DNAH6: variants seen among roughly 807,000 people sequenced by gnomAD.
The protein encoded by DNAH6 is dynein axonemal heavy chain 6.
In DNAH6, 340 loss-of-function variants were observed where a neutral mutation model predicts 491.4. The ratio of observed to expected loss-of-function variants is 0.69; its 90% CI spans 0.63 to 0.76. The LOEUF (loss-of-function observed/expected upper bound fraction) is 0.76. Among genes scored for constraint, DNAH6 ranks in the 30% least tolerant of loss-of-function variants. DNAH6 has a pLI of 0.00. For synonymous variants in DNAH6, 1,603 were observed against 1,686.1 expected (o/e 0.95, Z 1.21); for missense variants, 4,443 against 4,972.2 (o/e 0.89, Z 3.20).
At chr2:84,708,798 C>A (rs1696767324) in intron 54 of DNAH6, among the ~76,000 whole-genome samples, 1 of 152,062 alleles carries the variant, frequency 6.6e-6, no homozygotes, top group Non-Finnish European at 1.5e-5. Context: ...GTTATAAAAC[C>A]TGATATAATA....
intron 10 of DNAH6, among the ~76,000 whole-genome samples, chr2:84,554,074 C>G (rs992370630): frequency 2.0e-5 from 3 of 152,336 alleles, no homozygotes; most frequent in Non-Finnish European, 4.4e-5. Flanking sequence ...GAGAAACCAT[C>G]TGTAGTTCCT....
intron 37 of DNAH6, among the ~76,000 whole-genome samples, chr2:84,665,524 C>T (rs1381861952): frequency 1.3e-5 from 2 of 152,124 alleles, no homozygotes; most frequent in Non-Finnish European, 2.9e-5. Context: ...TTCCTGGACA[C>T]ATACACCCTC....
At chr2:84,575,565 T>A (rs1278443395) in intron 12 of DNAH6, among the ~76,000 whole-genome samples, 17 of 152,192 alleles carry the variant, frequency 1.1e-4, no homozygotes, top group Admixed American at 1.1e-3. Context: ...CTAATTTCTC[T>A]GACTTGAAAG....
At position 84,797,556 on chromosome 2, in the gene DNAH6, G is replaced by A. The variant is rs1366264472; in HGVS notation, c.11379G>A (p.Met3793Ile). Residue 3793 changes from methionine to isoleucine, a missense_variant, in exon 70 of 77, where the codon ATG becomes ATA. Transcript: ENST00000389394. ...YSESGIYFAP[M>I]ADSLQEFKDY... Reference sequence around the variant, plus strand: ...TAACAGGCATCTATTTTGCACCCATGGCTGACAGCCTACAAGAGTTTAAGG... The same window carrying A: ...TAACAGGCATCTATTTTGCACCCATAGCTGACAGCCTACAAGAGTTTAAGG... 6 of 1,551,708 alleles carry A rather than the reference G, an allele frequency of 3.9e-6. No homozygotes were observed. In the African/African-American group the frequency reaches 6.8e-5, roughly 18 times the overall value.
At chr2:84,745,514 T>C (rs756940420) in intron 63 of DNAH6, among the ~76,000 whole-genome samples, 3 of 151,782 alleles carry the variant, frequency 2.0e-5, no homozygotes, top group African/African-American at 4.8e-5. Context: ...AAATACAAAA[T>C]AATTATCCGG....
intron 37 of DNAH6, among the ~76,000 whole-genome samples, chr2:84,668,857 T>TG: frequency 1.1e-4 from 1 of 8,790 alleles, no homozygotes; most frequent in Middle Eastern, 0.036. Flanking sequence ...TGTGTGTGTG[T>TG]ATGATTGTAA....
rs1687722376 is a variant in DNAH6, at chr2:84,624,946, T to TG, written c.4403dup (p.Ala1469CysfsTer29). On this transcript the variant is annotated frameshift_variant, in exon 29 of 77. Transcript: ENST00000389394. LOFTEE classifies it high-confidence loss of function. ...TCATGGGAGCTTTGCAGCTTGACCT[T>TG]GGGGGTGCACCAGCTGGTCCTGCTG... 3 of 1,551,588 alleles carry TG rather than the reference T, an allele frequency of 1.9e-6. No individual in the cohort carries two copies. Among genetic ancestry groups the TG allele is most frequent in the Non-Finnish European group, 2.6e-6 (3 of 1,146,894 alleles).
chr2:84,670,265 A>G, intron 38 of DNAH6, 63 bp from the exon 39 acceptor site: 2 of 1,173,966 alleles, frequency 1.7e-6, no homozygotes, highest in Non-Finnish European at 2.4e-6. Flanking sequence ...GTGCCAAACT[A>G]TTACAGATAT....
intron 76 of DNAH6, among the ~76,000 whole-genome samples, 165 bp from the exon 77 acceptor site, chr2:84,819,140 C>T (rs1244608589): frequency 6.6e-6 from 1 of 152,158 alleles, no homozygotes; most frequent in African/African-American, 2.4e-5. Flanking sequence ...CTAAAATCTT[C>T]ATTTTATAGA....
At chr2:84,688,614 C>A (rs1263312494) in intron 45 of DNAH6, 21 bp downstream of exon 45, 2 of 1,495,834 alleles carry the variant, frequency 1.3e-6, no homozygotes, top group South Asian at 1.4e-5. Context: ...ATAAGGCGCC[C>A]AATAATGCAT....
the DNAH6 span, among the ~76,000 whole-genome samples, chr2:84,461,720 T>A: frequency 3.3e-5 from 5 of 152,296 alleles, no homozygotes; most frequent in East Asian, 9.6e-4. Context: ...CATGGCAGGA[T>A]CATGTTTTAA....
chr2:84,724,604 C>G (rs1441675690), intron 60 of DNAH6, among the ~76,000 whole-genome samples: 2 of 152,148 alleles, frequency 1.3e-5, no homozygotes, highest in Non-Finnish European at 2.9e-5. Context: ...TCTAAATTCT[C>G]CTAAATTCTC....
chr2:84,668,810 C>CTGTG (rs766203821), intron 37 of DNAH6, among the ~76,000 whole-genome samples: 3,397 of 120,982 alleles, frequency 0.028, 74 homozygotes, highest in African/African-American at 0.045. Context: ...AGCCATCCCT[C>CTGTG]TGTGTGTGTG....
intron 2 of DNAH6, among the ~76,000 whole-genome samples, chr2:84,518,908 G>T (rs532069187): frequency 6.6e-6 from 1 of 152,074 alleles, no homozygotes; most frequent in South Asian, 2.1e-4. Context: ...TAAGCCAAAC[G>T]CATGGGCTCA....
chr2:84,477,141 C>T, the DNAH6 span, among the ~76,000 whole-genome samples: 1 of 152,196 alleles, frequency 6.6e-6, no homozygotes, highest in South Asian at 2.1e-4. Flanking sequence ...GTGGAGGCTG[C>T]AAAGGCCTGA....
intron 57 of DNAH6, 31 bp downstream of exon 57, chr2:84,713,290 T>C: frequency 6.5e-7 from 1 of 1,542,484 alleles, no homozygotes; most frequent in Non-Finnish European, 8.8e-7. Context: ...ATTCTCAACT[T>C]AACTGGATTA....
In DNAH6 at chr2:84,784,769, A is replaced by G. The variant is rs1422025355; in HGVS notation, c.10912A>G (p.Ser3638Gly). 6.4e-7 allele frequency: 1 copy of G among 1,550,724 alleles called. No homozygotes were observed. The highest frequency in any genetic ancestry group is 1.7e-4 in the Middle Eastern group (1 of 5,984). ...TFRLFLSSMP[S>G]NTFPVTVLQN... ...TCGACTTTTTTTAAGCTCCATGCCT[A>G]GTAATACATTTCCTGTTACAGTTCT... is the stretch of plus-strand genomic sequence containing the variant. The change falls in exon 66 of 77, where the codon AGT (serine) becomes GGT (glycine). Residue 3638 changes from serine (S) to glycine (G), a missense_variant. Physicochemically the swap from Ser to Gly is moderately conservative, Grantham distance 56. This residue lies in a region of DNAH6 where 1,463 missense variants were observed against 1,656.6 expected (regional missense o/e 0.88). Coordinates refer to ENST00000389394, the MANE Select transcript of DNAH6 (RefSeq NM_001370.2).
chr2:84,670,838 T>A (rs1692670043), intron 39 of DNAH6, among the ~76,000 whole-genome samples: 1 of 152,238 alleles, frequency 6.6e-6, no homozygotes, highest in Non-Finnish European at 1.5e-5. Context: ...AGTATGAGAC[T>A]GTTTTGGTTT....
intron 63 of DNAH6, among the ~76,000 whole-genome samples, chr2:84,752,122 C>T (rs553444770): frequency 1.3e-5 from 2 of 152,184 alleles, no homozygotes; most frequent in South Asian, 4.1e-4. Context: ...CTGGTTTTCT[C>T]TGTTGAAAAC....
Sources: gnomAD v4.1 joint callset for allele counts (sites outside exome capture counted in the v4.1 genomes callset) on GRCh38, gnomAD v4.1.1 for gene constraint, gnomAD v4.1.1 regional missense constraint, MANE v1.5 for transcripts, NCBI Gene and HGNC (gene_info 2026-07-23, HGNC 2026-07-21) for gene names.